PRDM2: variants seen among roughly 807,000 people sequenced by gnomAD.
The protein encoded by PRDM2 is PR domain zinc finger protein 2.
PRDM2 carries 30 observed loss-of-function variants against 130.0 expected under a neutral mutation model. The observed-to-expected ratio is 0.23, with a 90% CI of 0.17 to 0.31. The LOEUF (loss-of-function observed/expected upper bound fraction) is 0.31. Among genes scored for constraint, PRDM2 ranks in the 10% least tolerant of loss-of-function variants. PRDM2 has a pLI of 1.00. For synonymous variants in PRDM2, 871 were observed against 782.4 expected (o/e 1.11, Z -1.89); for missense variants, 2,011 against 2,108.4 (o/e 0.95, Z 0.90).
chr1:13,817,130 C>T (rs1457354728), intron 9 of PRDM2, among the ~76,000 whole-genome samples: 3 of 152,164 alleles, frequency 2.0e-5, no homozygotes, highest in African/African-American at 7.2e-5. Context: ...AAAATCTGAA[C>T]CTGAGTGAGG....
intron 2 of PRDM2, among the ~76,000 whole-genome samples, chr1:13,716,756 G>A (rs902335632): frequency 2.0e-5 from 3 of 152,100 alleles, no homozygotes; most frequent in African/African-American, 4.8e-5. Flanking sequence ...CATCTCTCTT[G>A]TAGTTACAGA....
intron 5 of PRDM2, among the ~76,000 whole-genome samples, chr1:13,742,495 C>T (rs1450882380): frequency 1.3e-5 from 2 of 152,206 alleles, no homozygotes; most frequent in Non-Finnish European, 2.9e-5. Flanking sequence ...AGCCACAATG[C>T]CTGGGCCTGC....
chr1:13,708,467 G>C (rs192013358), intron 1 of PRDM2, among the ~76,000 whole-genome samples: 1 of 152,152 alleles, frequency 6.6e-6, no homozygotes, highest in East Asian at 1.9e-4. Context: ...GCAGACCCTT[G>C]GTTTTTCTAA....
At chr1:13,811,340 G>T (rs573745438) in intron 8 of PRDM2, among the ~76,000 whole-genome samples, 1 of 152,322 alleles carries the variant, frequency 6.6e-6, no homozygotes, top group South Asian at 2.1e-4. Flanking sequence ...CAGTGACCAT[G>T]CCATCACCAT....
At chr1:13,802,331 C>T (rs2235520) in intron 8 of PRDM2, among the ~76,000 whole-genome samples, 2,819 of 152,318 alleles carry the variant, frequency 0.019, 78 homozygotes, top group South Asian at 0.11. Flanking sequence ...TGGTTTTGAC[C>T]TCTTGGGTAG....
At chr1:13,703,359 A>G (rs1642121578) in intron 1 of PRDM2, among the ~76,000 whole-genome samples, 1 of 152,216 alleles carries the variant, frequency 6.6e-6, no homozygotes, top group Admixed American at 6.5e-5. Flanking sequence ...ATCTCCAGAC[A>G]TTTCCAAATA....
At chr1:13,749,535 CA>C (rs1186127583) in intron 6 of PRDM2, 48 bp downstream of exon 6, 1 of 1,194,968 alleles carries the variant, frequency 8.4e-7, no homozygotes. Flanking sequence ...CACGCCCGCC[CA>C]GGACGCCGCC....
intron 2 of PRDM2, among the ~76,000 whole-genome samples, chr1:13,725,783 A>C (rs1642892009): frequency 6.6e-6 from 1 of 152,206 alleles, no homozygotes; most frequent in African/African-American, 2.4e-5. Context: ...TGTTATAGCA[A>C]TAGCTCTGAC....
At chr1:13,811,665 A>G (rs1164647035) in intron 8 of PRDM2, among the ~76,000 whole-genome samples, 1 of 152,206 alleles carries the variant, frequency 6.6e-6, no homozygotes, top group Non-Finnish European at 1.5e-5. Flanking sequence ...CCTCAAAGAC[A>G]TCCTCTTCTA....
chr1:13,741,905 G>A, intron 4 of PRDM2, 100 bp from the exon 5 acceptor site: 1 of 911,042 alleles, frequency 1.1e-6, no homozygotes, highest in Non-Finnish European at 1.7e-6. Flanking sequence ...TAGAGTACTT[G>A]CATATAATGA....
intron 8 of PRDM2, among the ~76,000 whole-genome samples, chr1:13,816,114 C>T (rs1412809549): frequency 6.6e-6 from 1 of 152,190 alleles, no homozygotes; most frequent in Non-Finnish European, 1.5e-5. Flanking sequence ...TGCATGTCCA[C>T]TGGGGGTCAC....
chr1:13,824,510 G>A lies in PRDM2; in HGVS notation c.*1375G>A, dbSNP rs1242153404. ...TCGGCTGCAGTATGGGATCTGATAA[G>A]GATCTAGGAGAAGGGTCTCATGCGG... On this transcript the variant is annotated 3_prime_UTR_variant, in exon 10 of 10. Coordinates refer to ENST00000311066, the MANE Select transcript of PRDM2 (RefSeq NM_001393986.1). The A allele has an allele frequency of 6.6e-6, 1 of 152,188 alleles. No homozygotes were observed. The highest frequency in any genetic ancestry group is 1.5e-5 in the Non-Finnish European group (1 of 68,044). 9.4% of individuals were successfully genotyped at this position (152,188 alleles called of 1,614,324 possible).
At chr1:13,747,222 C>T (rs1442493349) in intron 5 of PRDM2, among the ~76,000 whole-genome samples, 2 of 152,236 alleles carry the variant, frequency 1.3e-5, no homozygotes, top group African/African-American at 2.4e-5. Flanking sequence ...TGTCTTCACT[C>T]CTTCCCATGC....
chr1:13,703,503 C>G (rs1033828585), intron 1 of PRDM2, among the ~76,000 whole-genome samples: 4 of 152,224 alleles, frequency 2.6e-5, no homozygotes, highest in African/African-American at 9.6e-5. Flanking sequence ...AAGTGGACTT[C>G]AGGTCTGTCC....
At chr1:13,776,598 C>A (rs1271859573) in intron 7 of PRDM2, among the ~76,000 whole-genome samples, 2 of 152,210 alleles carry the variant, frequency 1.3e-5, no homozygotes, top group East Asian at 3.8e-4. Context: ...CTCTTAGGAA[C>A]TCTGTTAGAC....
At position 13,780,417 on chromosome 1, in the gene PRDM2, G is replaced by C. The variant is rs199595120; in HGVS notation, c.2622G>C (p.Thr874=). The stretch of plus-strand genomic sequence containing the variant: ...AAGAAAGTCATTCAGTGCAGCCTAC[G>C]TGTAGTGCTGTAAAGAAAAGGAAAC... The part of the protein sequence containing the change: ...EFKESHSVQP[T]CSAVKKRKPT... The change falls in exon 8 of 10, where the codon ACG becomes ACC. Residue 874 remains threonine, a synonymous_variant. Coordinates refer to ENST00000311066, the MANE Select transcript of PRDM2 (RefSeq NM_001393986.1). 4.3e-6 allele frequency: 7 copies of C among 1,614,080 alleles called. No homozygotes were observed. Among genetic ancestry groups the C allele is most frequent in the African/African-American group, 1.3e-5 (1 of 74,924 alleles).
In PRDM2 at chr1:13,824,928, C is replaced by A. The variant is rs147115059; in HGVS notation, c.*1793C>A. ...CTGGTCACCCTTCAACGCTCCCAGA[C>A]GGTCAGGAAAACTGTTCCAATCATG... On this transcript the variant is annotated 3_prime_UTR_variant, in exon 10 of 10. Transcript: ENST00000311066. 1 of 152,596 alleles carries A rather than the reference C, an allele frequency of 6.6e-6. No individual in the cohort carries two copies. The highest frequency in any genetic ancestry group is 6.5e-5 in the Admixed American group (1 of 15,276). The allele number at this position is 152,596 out of a possible 1,614,324, so 9.5% of individuals were successfully genotyped here.
rs72869970 is a variant in PRDM2, at chr1:13,813,834, T to G, written c.5037-2593T>G. Among the ~76,000 whole-genome samples the G allele has an allele frequency of 4.3e-3, 648 of 152,258 alleles. 1 individual carries two copies. The highest frequency in any genetic ancestry group is 0.015 in the African/African-American group (608 of 41,532). On this transcript the variant is annotated intron_variant, in intron 8 of 9. Coordinates refer to ENST00000311066, the MANE Select transcript of PRDM2 (RefSeq NM_001393986.1). The stretch of plus-strand genomic sequence containing the variant: ...TGGTGGAGACGCTATGGTTGCTGCA[T>G]CCGCAGGAGCCCAGGCGGAAGAGAT...
At chr1:13,718,793 C>T (rs35740385) in intron 2 of PRDM2, among the ~76,000 whole-genome samples, 26,322 of 152,002 alleles carry the variant, frequency 0.17, 2,879 homozygotes, top group Admixed American at 0.24. Flanking sequence ...TCGTAGGTAT[C>T]CTACTTGCTT....
Sources: allele counts gnomAD v4.1 joint callset (sites outside exome capture counted in the v4.1 genomes callset), GRCh38; gene constraint gnomAD v4.1.1; transcripts MANE v1.5; gene names NCBI Gene and HGNC (gene_info 2026-07-23, HGNC 2026-07-21).